SUCLA2: variants seen among roughly 807,000 people sequenced by gnomAD.
SUCLA2 encodes the protein succinate-CoA ligase ADP-forming subunit beta, also known as succinate--CoA ligase [ADP-forming] subunit beta, mitochondrial.
SUCLA2 carries 30 observed loss-of-function variants against 54.8 expected under a neutral mutation model. The observed-to-expected ratio is 0.55, with a 90% CI of 0.41 to 0.74. The LOEUF (loss-of-function observed/expected upper bound fraction) is 0.74, where lower values mean the gene tolerates loss of function less well. SUCLA2 is among the 30% of genes least tolerant of loss of function. The probability of loss-of-function intolerance (pLI) is 0.00; values close to 1 mark genes in which losing one functional copy is unlikely to be tolerated. For synonymous variants in SUCLA2, 172 were observed against 188.9 expected (o/e 0.91, Z 0.74); for missense variants, 476 against 562.9 (o/e 0.85, Z 1.56).
intron 8 of SUCLA2, among the ~76,000 whole-genome samples, chr13:47,952,794 T>A (rs1593479019): frequency 6.6e-6 from 1 of 152,294 alleles, no homozygotes; most frequent in East Asian, 1.9e-4. Context: ...TGGTCACAAT[T>A]TGCCAACATT....
chr13:47,998,320 A>G (rs1368153224), intron 1 of SUCLA2, among the ~76,000 whole-genome samples: 2 of 151,818 alleles, frequency 1.3e-5, no homozygotes, highest in African/African-American at 4.8e-5. Flanking sequence ...AAAAGAAAAA[A>G]AAACCCAGCA....
chr13:47,988,621 A>G lies in SUCLA2; in HGVS notation c.454T>C (p.Cys152Arg). ...TKQTGEKGRI[C>R]NQVLVCERKY... is the part of the protein sequence containing the mutation. Reference sequence around the variant, plus strand: ...CGCTCACAGACCAATACTTGATTGCATATTCTGCCCTTTTCTCCCGTTTGC... The same window carrying G: ...CGCTCACAGACCAATACTTGATTGCGTATTCTGCCCTTTTCTCCCGTTTGC... The change falls in exon 4 of 11, where the codon TGC (cysteine) becomes CGC (arginine). Residue 152 changes from cysteine to arginine, a missense_variant. Physicochemically the swap from Cys to Arg is radical, Grantham distance 180. Transcript: ENST00000646932. The G allele has an allele frequency of 6.2e-7, 1 of 1,613,972 alleles. No homozygotes were observed. Among genetic ancestry groups the G allele is most frequent in the African/African-American group, 1.3e-5 (1 of 75,042 alleles).
chr13:47,996,781 A>T, intron 2 of SUCLA2, 62 bp downstream of exon 2: 8 of 1,551,682 alleles, frequency 5.2e-6, no homozygotes, highest in Non-Finnish European at 7.0e-6. Flanking sequence ...AACCAAAAAC[A>T]AACTTCAAAT....
intron 5 of SUCLA2, chr13:47,971,588 C>T (rs989149522): frequency 3.9e-6 from 1 of 254,250 alleles, no homozygotes; most frequent in Admixed American, 6.7e-5. Flanking sequence ...AAGCAGCACA[C>T]AAGGACAATA....
chr13:47,991,727 T>A (rs1211398469), intron 2 of SUCLA2: 1 of 152,218 alleles, frequency 6.6e-6, no homozygotes, highest in Non-Finnish European at 1.5e-5. Flanking sequence ...AGAATTCTTA[T>A]AAATCTAGAT....
intron 4 of SUCLA2, among the ~76,000 whole-genome samples, chr13:47,985,829 G>A (rs1950098387): frequency 6.6e-6 from 1 of 152,066 alleles, no homozygotes; most frequent in South Asian, 2.1e-4. Context: ...TTCCACAATG[G>A]TTGAACTAAT....
chr13:47,951,894 T>C (rs1245559418), intron 8 of SUCLA2, among the ~76,000 whole-genome samples: 1 of 151,958 alleles, frequency 6.6e-6, no homozygotes, highest in Non-Finnish European at 1.5e-5. Context: ...GCTCATCTTC[T>C]TGATCTTCTA....
intron 10 of SUCLA2, among the ~76,000 whole-genome samples, chr13:47,948,050 A>AC (rs1288392828): frequency 6.6e-5 from 10 of 152,168 alleles, no homozygotes; most frequent in Non-Finnish European, 1.5e-4. Context: ...TAATACCATT[A>AC]CCCCACCTAA....
chr13:47,945,358 G>C (rs1013621184), intron 10 of SUCLA2, among the ~76,000 whole-genome samples: 1 of 137,336 alleles, frequency 7.3e-6, no homozygotes, highest in Non-Finnish European at 1.5e-5. Flanking sequence ...AGGAGGCAAA[G>C]GTTACAGTGA....
chr13:47,999,729 G>A (rs1415135781), intron 1 of SUCLA2, among the ~76,000 whole-genome samples: 1 of 151,730 alleles, frequency 6.6e-6, no homozygotes, highest in Admixed American at 6.6e-5. Context: ...AAAAAAATGT[G>A]GAAAACAAAT....
intron 6 of SUCLA2, among the ~76,000 whole-genome samples, chr13:47,955,859 T>C (rs1335499819): frequency 6.6e-6 from 1 of 152,140 alleles, no homozygotes; most frequent in Admixed American, 6.6e-5. Flanking sequence ...CCTGAAAAGA[T>C]ACAGGGTTGA....
intron 6 of SUCLA2, among the ~76,000 whole-genome samples, chr13:47,964,109 C>G (rs755195568): frequency 6.6e-6 from 1 of 152,036 alleles, no homozygotes; most frequent in Non-Finnish European, 1.5e-5. Flanking sequence ...TCAGGTACTT[C>G]TATACAGTGG....
chr13:47,955,233 G>A lies in SUCLA2; in HGVS notation c.803-676C>T, dbSNP rs191294242. The stretch of plus-strand genomic sequence containing the variant: ...TTTTATTTTTTTGAGACAGGGTCTC[G>A]TTCTCACACCCAGACTAGAGTGCAG... On this transcript the variant is annotated intron_variant, in intron 6 of 10. Coordinates refer to ENST00000646932, the MANE Select transcript of SUCLA2 (RefSeq NM_003850.3). Among the ~76,000 whole-genome samples, 36 of 152,128 alleles carry A rather than the reference G, an allele frequency of 2.4e-4. No homozygotes were observed. The East Asian group carries it at 4.3e-3, about 18-fold the overall frequency.
At chr13:47,976,439 GAACACATGTTC>G (rs1220994308) in intron 4 of SUCLA2, among the ~76,000 whole-genome samples, 5 of 152,250 alleles carry the variant, frequency 3.3e-5, no homozygotes, top group African/African-American at 1.2e-4. Context: ...GAGAAGAGTA[GAACACATGTTC>G]AACATTCCAG....
chr13:47,950,354 T>A (rs1461818785), intron 8 of SUCLA2, among the ~76,000 whole-genome samples: 1 of 152,196 alleles, frequency 6.6e-6, no homozygotes, highest in African/African-American at 2.4e-5. Flanking sequence ...TGTTTCTAAG[T>A]CCCTATATAA....
intron 5 of SUCLA2, 71 bp downstream of exon 5, chr13:47,973,193 G>A: frequency 1.5e-6 from 2 of 1,333,036 alleles, no homozygotes; most frequent in Middle Eastern, 2.6e-4. Flanking sequence ...AATTACTTCA[G>A]TTGTACGGTT....
chr13:47,949,468 A>G lies in SUCLA2; in HGVS notation c.1228+15T>C, dbSNP rs763228733. ...AAAGAATTAGGAACAACTGCAAGAT[A>G]CCTTTTATACTCACCTTGTAACCGT... On this transcript the variant is annotated intron_variant, in intron 9 of 10. Coordinates refer to ENST00000646932, the MANE Select transcript of SUCLA2 (RefSeq NM_003850.3). The G allele has an allele frequency of 2.5e-6, 4 of 1,613,212 alleles. No homozygotes were observed. In the African/African-American group the frequency reaches 5.3e-5, roughly 22 times the overall value.
chr13:47,962,453 T>C (rs1369031757), intron 6 of SUCLA2, among the ~76,000 whole-genome samples: 3 of 152,252 alleles, frequency 2.0e-5, no homozygotes, highest in Non-Finnish European at 4.4e-5. Context: ...GAAGAATCTA[T>C]GGGCAATGAT....
intron 8 of SUCLA2, among the ~76,000 whole-genome samples, chr13:47,951,691 T>C (rs1479883974): frequency 6.6e-6 from 1 of 152,144 alleles, no homozygotes; most frequent in African/African-American, 2.4e-5. Flanking sequence ...ATGCAAGCTC[T>C]CTAACTTTTA....
Sources: allele counts gnomAD v4.1 joint callset (sites outside exome capture counted in the v4.1 genomes callset), GRCh38; gene constraint gnomAD v4.1.1; transcripts MANE v1.5; gene names NCBI Gene and HGNC (gene_info 2026-07-23, HGNC 2026-07-21).